The following NRXN3 variants were observed in gnomAD, a reference collection of about 807,000 sequenced individuals.
The protein encoded by NRXN3 is neurexin III.
Under a neutral mutation model 137.6 loss-of-function variants are expected in NRXN3, and 32 were observed. That is an observed-to-expected ratio of 0.23 (90% confidence interval 0.18 to 0.31). The LOEUF is 0.31. Among genes scored for constraint, NRXN3 ranks in the 10% least tolerant of loss-of-function variants. NRXN3 has a pLI of 1.00. For missense variants in NRXN3, 1,574 were observed against 2,062.5 expected (o/e 0.76, Z 4.59); for synonymous variants, 798 against 784.5 (o/e 1.02, Z -0.29).
At chr14:79,358,655 AAGAAAGAAAG>A (rs761819888) in intron 15 of NRXN3, among the ~76,000 whole-genome samples, 2 of 150,460 alleles carry the variant, frequency 1.3e-5, no homozygotes, top group Non-Finnish European at 3.0e-5. Context: ...GAAAGAAAGA[AAGAAAGAAAG>A]AAAGTGTCCT....
intron 8 of NRXN3, chr14:78,744,801 C>T (rs540311354): frequency 6.6e-6 from 1 of 152,290 alleles, no homozygotes; most frequent in South Asian, 2.1e-4. Context: ...AAGATACACA[C>T]AGAGATAACT....
chr14:79,564,716 G>T (rs1301171238), intron 16 of NRXN3, among the ~76,000 whole-genome samples: 1 of 152,078 alleles, frequency 6.6e-6, no homozygotes, highest in African/African-American at 2.4e-5. Flanking sequence ...TATTCTGAAT[G>T]ATCTTGTTGA....
In NRXN3 at chr14:79,861,338, A is replaced by G. The variant is rs2141957039; in HGVS notation, c.4094-4A>G. 6.5e-7 allele frequency: 1 copy of G among 1,536,144 alleles called. No homozygotes were observed. The highest frequency in any genetic ancestry group is 2.4e-5 in the East Asian group (1 of 40,912). Reference sequence around the variant, plus strand: ...TTTTTACACCACCTTCTCCTTGGTAACAGATAAGAGTCTTTCCACTTCAAT... The same window carrying G: ...TTTTTACACCACCTTCTCCTTGGTAGCAGATAAGAGTCTTTCCACTTCAAT... On this transcript the variant is annotated splice_polypyrimidine_tract_variant and splice_region_variant and intron_variant, in intron 20 of 20. Transcript: ENST00000335750. This position sits in a 1 kb window ranked among gnomAD's most constrained non-coding sequence, Gnocchi z 5.4.
chr14:79,697,582 A>G, intron 18 of NRXN3, 48 bp from the exon 19 acceptor site: 3 of 1,574,658 alleles, frequency 1.9e-6, no homozygotes, highest in Non-Finnish European at 1.7e-6. Context: ...TAAGGCAAAC[A>G]AGGAAAACGT....
intron 4 of NRXN3, among the ~76,000 whole-genome samples, chr14:78,298,255 G>A (rs1036509645): frequency 1.3e-5 from 2 of 152,330 alleles, no homozygotes; most frequent in African/African-American, 4.8e-5. Flanking sequence ...TCCAGGCTGG[G>A]GGAGAGGAGC....
intron 15 of NRXN3, among the ~76,000 whole-genome samples, chr14:79,143,846 G>A (rs546190823): frequency 6.6e-6 from 1 of 152,188 alleles, no homozygotes; most frequent in Admixed American, 6.5e-5. Context: ...GTGTGCAGTT[G>A]TGTGTTTCTA....
chr14:78,316,479 G>C (rs761248221), intron 4 of NRXN3, among the ~76,000 whole-genome samples: 1 of 152,228 alleles, frequency 6.6e-6, no homozygotes, highest in Middle Eastern at 3.4e-3. Context: ...TTCTTAACTT[G>C]CTTTACCTGC....
chr14:78,441,774 G>A (rs954795488), intron 4 of NRXN3, among the ~76,000 whole-genome samples: 10 of 152,102 alleles, frequency 6.6e-5, no homozygotes. Flanking sequence ...TTAGCCAGAC[G>A]GCCCTACATT....
At chr14:78,521,235 T>G (rs1323398562) in intron 4 of NRXN3, among the ~76,000 whole-genome samples, 2 of 152,202 alleles carry the variant, frequency 1.3e-5, no homozygotes, top group Admixed American at 1.3e-4. Flanking sequence ...TATTCAGTCC[T>G]GTATATATTA....
chr14:79,766,574 A>C (rs1177696023), intron 19 of NRXN3, among the ~76,000 whole-genome samples: 1 of 152,188 alleles, frequency 6.6e-6, no homozygotes, highest in Non-Finnish European at 1.5e-5. Flanking sequence ...AATTGGATTC[A>C]ATTTAAAAAG....
intron 14 of NRXN3, among the ~76,000 whole-genome samples, chr14:78,987,458 T>C (rs778868868): frequency 3.9e-5 from 6 of 152,190 alleles, no homozygotes; most frequent in Non-Finnish European, 8.8e-5. Flanking sequence ...TGTAAATACA[T>C]TGTTTAGTAC....
chr14:79,154,453 A>G (rs1243033417), intron 15 of NRXN3, among the ~76,000 whole-genome samples: 1 of 151,854 alleles, frequency 6.6e-6, no homozygotes, highest in African/African-American at 2.4e-5. Flanking sequence ...GTTTGGCAAC[A>G]TGTTTTTTTA....
At chr14:79,824,201 C>T (rs879713299) in intron 20 of NRXN3, among the ~76,000 whole-genome samples, 6 of 152,202 alleles carry the variant, frequency 3.9e-5, no homozygotes, top group Non-Finnish European at 8.8e-5. Flanking sequence ...CTCTACCTCC[C>T]TCTTCCTCTT....
At chr14:78,374,799 T>A (rs531583091) in intron 4 of NRXN3, among the ~76,000 whole-genome samples, 2 of 143,624 alleles carry the variant, frequency 1.4e-5, no homozygotes, top group East Asian at 4.0e-4. Context: ...AAAAAAGCCA[T>A]GCTGCTTAAA....
chr14:78,207,417 G>C (rs1461604156), intron 1 of NRXN3, among the ~76,000 whole-genome samples: 1 of 152,106 alleles, frequency 6.6e-6, no homozygotes, highest in Non-Finnish European at 1.5e-5. Context: ...GATACCTCTA[G>C]CCTTGAACTC....
chr14:79,498,309 C>T (rs1202869112), intron 16 of NRXN3, among the ~76,000 whole-genome samples: 2 of 152,068 alleles, frequency 1.3e-5, no homozygotes, highest in South Asian at 2.1e-4. Flanking sequence ...ATGCTATTAT[C>T]GAGGATCCCT....
intron 17 of NRXN3, among the ~76,000 whole-genome samples, chr14:79,671,522 G>A (rs1278657361): frequency 2.6e-5 from 4 of 151,914 alleles, no homozygotes; most frequent in East Asian, 1.9e-4. Context: ...TTCTTTTTGC[G>A]ATCTTGTTTT....
chr14:78,335,960 A>G (rs1379090107), intron 4 of NRXN3, among the ~76,000 whole-genome samples: 4 of 152,152 alleles, frequency 2.6e-5, no homozygotes, highest in African/African-American at 9.7e-5. Flanking sequence ...CCAGCTTTCC[A>G]TTTTAAAAAG....
At chr14:79,852,234 AACACACACACACACACACACAC>A (rs45581833) in intron 20 of NRXN3, among the ~76,000 whole-genome samples, 4 of 128,266 alleles carry the variant, frequency 3.1e-5, no homozygotes, top group East Asian at 2.3e-4. Flanking sequence ...TTCAACTCCC[AACACACACACACACACACACAC>A]ACACACACAC....
Sources: gnomAD v4.1 joint callset for allele counts (sites outside exome capture counted in the v4.1 genomes callset) on GRCh38, gnomAD v4.1.1 for gene constraint, Gnocchi (gnomAD v3.1) non-coding constraint, MANE v1.5 for transcripts, NCBI Gene and HGNC (gene_info 2026-07-23, HGNC 2026-07-21) for gene names.